The following ZNF462 variants were observed in gnomAD, a reference collection of about 807,000 sequenced individuals.
The protein encoded by ZNF462 is zinc finger PBX1-interacting protein.
In ZNF462, 10 loss-of-function variants were observed where a neutral mutation model predicts 201.9. The ratio of observed to expected loss-of-function variants is 0.05; its 90% CI spans 0.03 to 0.08. The LOEUF (loss-of-function observed/expected upper bound fraction) is 0.08, where lower values mean the gene tolerates loss of function less well. Ranked by LOEUF, ZNF462 falls within the 10% of genes least tolerant of loss-of-function variation. The pLI is 1.00. For synonymous variants in ZNF462, 1,227 were observed against 1,193.3 expected, an observed-to-expected ratio of 1.03 and a Z score of -0.58; for missense variants, 2,523 against 3,168.3, an observed-to-expected ratio of 0.80 and a Z score of 4.89.
chr9:106,918,325 A>G (rs1242649186), intron 1 of ZNF462, among the ~76,000 whole-genome samples: 1 of 152,232 alleles, frequency 6.6e-6, no homozygotes, highest in East Asian at 1.9e-4. Context: ...AAAATTAATT[A>G]CATATATCTG....
chr9:106,929,547 A>G lies in ZNF462; in HGVS notation c.5635A>G (p.Ile1879Val), dbSNP rs1830341866. 1 of 1,614,174 alleles carries G rather than the reference A, an allele frequency of 6.2e-7. No individual in the cohort carries two copies. Among genetic ancestry groups the G allele is most frequent in the Non-Finnish European group, 8.5e-7 (1 of 1,180,032 alleles). Residue 1879 changes from isoleucine to valine, a missense_variant, in exon 3 of 13, where the codon ATC becomes GTC. Physicochemically the swap from Ile to Val is conservative, Grantham distance 29. Transcript: ENST00000277225. This position sits in a 1 kb window ranked among gnomAD's most constrained non-coding sequence, Gnocchi z 8.7. ...CAGTCGGGACCTAAAGAGGGACTTC[A>G]TCATTCTGGGCAACGGCCCCCGCTT... ...HHSRDLKRDF[I>V]ILGNGPRLQN...
intron 1 of ZNF462, among the ~76,000 whole-genome samples, chr9:106,896,782 T>C (rs149378389): frequency 1.1e-3 from 174 of 152,328 alleles, no homozygotes; most frequent in Admixed American, 2.4e-3. Flanking sequence ...GTCTGAAGTT[T>C]ATGAAGACAG....
intron 10 of ZNF462, among the ~76,000 whole-genome samples, chr9:106,985,348 G>T (rs1006177579): frequency 6.6e-6 from 1 of 152,116 alleles, no homozygotes; most frequent in African/African-American, 2.4e-5. Context: ...TTGGGAGGAA[G>T]GAGACTCGAG....
chr9:107,008,434 T>C lies in ZNF462; in HGVS notation c.7190-1111T>C, dbSNP rs1829713739. On this transcript the variant is annotated intron_variant, in intron 11 of 12. Transcript: ENST00000277225. This position sits in a 1 kb window ranked among gnomAD's most constrained non-coding sequence, Gnocchi z 4.8. ...TGTTAACATCGTCCTGAGAATCTTA[T>C]TAGATGGGGCATTTCAACCAGGAGG... Among the ~76,000 whole-genome samples the C allele has an allele frequency of 6.6e-6, 1 of 152,132 alleles. No individual in the cohort carries two copies. The highest frequency in any genetic ancestry group is 6.5e-5 in the Admixed American group (1 of 15,278).
intron 7 of ZNF462, among the ~76,000 whole-genome samples, chr9:106,945,119 C>T (rs1443662994): frequency 2.6e-5 from 4 of 152,004 alleles, no homozygotes; most frequent in African/African-American, 9.7e-5. Flanking sequence ...CATTCTGAGC[C>T]TTTATATTTA....
At position 107,003,971 on chromosome 9, in the gene ZNF462, A is replaced by C. The variant is rs1829375858; in HGVS notation, c.7189+545A>C. Among the ~76,000 whole-genome samples, 1 of 152,132 alleles carries C rather than the reference A, an allele frequency of 6.6e-6. No homozygotes were observed. The highest frequency in any genetic ancestry group is 1.5e-5 in the Non-Finnish European group (1 of 68,016). On this transcript the variant is annotated intron_variant, in intron 11 of 12. Coordinates refer to ENST00000277225, the MANE Select transcript of ZNF462 (RefSeq NM_021224.6). The surrounding 1 kb of genome is among the most constrained non-coding windows in gnomAD (Gnocchi z 4.4). ...GAAAGAGAGACCACCTCTTTCATTC[A>C]ACTATGTATTTACAGAATACACTGG...
At position 107,009,258 on chromosome 9, in the gene ZNF462, C is replaced by T. The variant is rs1045115476; in HGVS notation, c.7190-287C>T. The T allele has an allele frequency of 4.9e-5, 19 of 386,864 alleles. No individual in the cohort carries two copies. Among genetic ancestry groups the T allele is most frequent in the East Asian group, 4.2e-5 (1 of 23,566 alleles). The allele number at this position is 386,864 out of a possible 1,614,324, so 24.0% of individuals were successfully genotyped here. The stretch of plus-strand genomic sequence containing the variant: ...TAATGCTCAGATTCCTTTGGAATCT[C>T]GGGCAAGCGGCTCTTCAGTCAAGAA... On this transcript the variant is annotated intron_variant, in intron 11 of 12. Transcript: ENST00000277225. The surrounding 1 kb of genome is among the most constrained non-coding windows in gnomAD (Gnocchi z 6.1).
intron 1 of ZNF462, among the ~76,000 whole-genome samples, chr9:106,921,658 T>C (rs942217827): frequency 1.3e-5 from 2 of 152,204 alleles, no homozygotes; most frequent in Admixed American, 6.5e-5. Flanking sequence ...GAGTGCACAC[T>C]GGATGATCTG....
At position 106,923,492 on chromosome 9, in the gene ZNF462, G is replaced by A. The variant is rs754588622; in HGVS notation, c.109G>A (p.Ala37Thr). The A allele has an allele frequency of 2.2e-5, 36 of 1,614,078 alleles. No individual in the cohort carries two copies. The highest frequency in any genetic ancestry group is 3.0e-5 in the Non-Finnish European group (35 of 1,180,042). The change falls in exon 2 of 13, where the codon GCT (alanine) becomes ACT (threonine). Residue 37 changes from alanine (A) to threonine (T), a missense_variant. Ala to Thr is a moderately conservative substitution (Grantham distance 58). Coordinates refer to ENST00000277225, the MANE Select transcript of ZNF462 (RefSeq NM_021224.6). This position sits in a 1 kb window ranked among gnomAD's most constrained non-coding sequence, Gnocchi z 5.6. Reference protein sequence around the residue: ...HTAFLQPTDVAEDNVNELRCG... With the variant: ...HTAFLQPTDVTEDNVNELRCG... ...GGCATTTCTGCAGCCAACTGATGTTGCTGAGGACAATGTGAATGAGCTACG... is the reference window on the plus strand; with the variant it reads ...GGCATTTCTGCAGCCAACTGATGTTACTGAGGACAATGTGAATGAGCTACG...
At chr9:106,951,733 C>T (rs1831357420) in intron 7 of ZNF462, among the ~76,000 whole-genome samples, 1 of 152,094 alleles carries the variant, frequency 6.6e-6, no homozygotes, top group African/African-American at 2.4e-5. Context: ...GTACCATAAG[C>T]CTGTCCAAGT....
At position 106,935,354 on chromosome 9, in the gene ZNF462, A is replaced by T; in HGVS notation, c.6117-149A>T. 1.6e-6 allele frequency: 1 copy of T among 618,500 alleles called. No individual in the cohort carries two copies. The highest frequency in any genetic ancestry group is 2.8e-6 in the Non-Finnish European group (1 of 357,178). 38.3% of individuals were successfully genotyped at this position (618,500 alleles called of 1,614,324 possible). A position where few individuals can be genotyped will look rare whatever the true frequency, so the allele number is the denominator to read the frequency against. ...TAGGTACAACTCTTGAAAATTAATTAATTAAATTGATAAATGCCATTATTG... is the reference window on the plus strand; with the variant it reads ...TAGGTACAACTCTTGAAAATTAATTTATTAAATTGATAAATGCCATTATTG... On this transcript the variant is annotated intron_variant, in intron 5 of 12. Coordinates refer to ENST00000277225, the MANE Select transcript of ZNF462 (RefSeq NM_021224.6). This position sits in a 1 kb window ranked among gnomAD's most constrained non-coding sequence, Gnocchi z 4.1.
At chr9:106,960,833 T>G (rs1831801546) in intron 7 of ZNF462, among the ~76,000 whole-genome samples, 1 of 152,120 alleles carries the variant, frequency 6.6e-6, no homozygotes, top group African/African-American at 2.4e-5. Context: ...GCATTCAGGA[T>G]CCCCAAGTTA....
At position 106,890,304 on chromosome 9, in the gene ZNF462, A is replaced by T. The variant is rs183558992; in HGVS notation, c.-31+26949A>T. On this transcript the variant is annotated intron_variant, in intron 1 of 12. Coordinates refer to ENST00000277225, the MANE Select transcript of ZNF462 (RefSeq NM_021224.6). The surrounding 1 kb of genome is among the most constrained non-coding windows in gnomAD (Gnocchi z 4.2). ...TGTGTGTGTGGACCTCAAGAATTTC[A>T]GTCAACCCGGCAACACATGCAGTGC... is the stretch of plus-strand genomic sequence containing the variant. Among the ~76,000 whole-genome samples, 2 of 152,346 alleles carry T rather than the reference A, an allele frequency of 1.3e-5. No homozygotes were observed. Among genetic ancestry groups the T allele is most frequent in the Admixed American group, 1.3e-4 (2 of 15,306 alleles).
rs996617335 is a variant in ZNF462, at chr9:106,885,590, T to G, written c.-31+22235T>G. On this transcript the variant is annotated intron_variant, in intron 1 of 12. Transcript: ENST00000277225. The surrounding 1 kb of genome is among the most constrained non-coding windows in gnomAD (Gnocchi z 4.1). The stretch of plus-strand genomic sequence containing the variant: ...AGAGGTTGAAGTGCCTCCAAGACTT[T>G]AAGTAGCAGCTGAACATGTGATCTT... 6.6e-6 allele frequency among the ~76,000 whole-genome samples: 1 copy of G among 152,184 alleles called. No homozygotes were observed. Among genetic ancestry groups the G allele is most frequent in the Non-Finnish European group, 1.5e-5 (1 of 68,028 alleles).
rs199963299 is a variant in ZNF462 at position 106,923,370 on chromosome 9, G to T, written c.-14G>T. The T allele has an allele frequency of 6.2e-7, 1 of 1,613,748 alleles. No individual in the cohort carries two copies. Among genetic ancestry groups the T allele is most frequent in the East Asian group, 2.2e-5 (1 of 44,872 alleles). On this transcript the variant is annotated 5_prime_UTR_variant, in exon 2 of 13. Coordinates refer to ENST00000277225, the MANE Select transcript of ZNF462 (RefSeq NM_021224.6). This position sits in a 1 kb window ranked among gnomAD's most constrained non-coding sequence, Gnocchi z 5.6. ...CTGCCACAGGTTCCTAATGTGAGAG[G>T]CTAGACCCAGATCATGGAGGTGCTT...
At position 106,933,189 on chromosome 9, in the gene ZNF462, GA is replaced by G. The variant is rs1830493198; in HGVS notation, c.6116+641del. On this transcript the variant is annotated intron_variant, in intron 5 of 12. Transcript: ENST00000277225. The surrounding 1 kb of genome is among the most constrained non-coding windows in gnomAD (Gnocchi z 4.3). Reference sequence around the variant, plus strand: ...TTCTCTTTCAGCCGTGTAAAAGAGAGATAAATATTCAATAATGCGTTTGGAC... The same window carrying G: ...TTCTCTTTCAGCCGTGTAAAAGAGAGTAAATATTCAATAATGCGTTTGGAC... The G allele has an allele frequency of 6.4e-6, 1 of 155,164 alleles. No homozygotes were observed. Among genetic ancestry groups the G allele is most frequent in the Non-Finnish European group, 1.4e-5 (1 of 69,884 alleles). 9.6% of individuals were successfully genotyped at this position (155,164 alleles called of 1,614,324 possible).
intron 1 of ZNF462, among the ~76,000 whole-genome samples, chr9:106,914,599 C>G (rs1024596370): frequency 6.6e-6 from 1 of 152,176 alleles, no homozygotes; most frequent in African/African-American, 2.4e-5. Context: ...TTGTTCCTTC[C>G]TTCATTCAGC....
chr9:107,007,428 A>C (rs554182132), intron 11 of ZNF462, among the ~76,000 whole-genome samples: 2 of 152,142 alleles, frequency 1.3e-5, no homozygotes, highest in Admixed American at 1.3e-4. Flanking sequence ...TCACTGGAAA[A>C]AGTATAGTGT....
chr9:106,989,174 T>C (rs1828078325), intron 10 of ZNF462, among the ~76,000 whole-genome samples: 1 of 152,146 alleles, frequency 6.6e-6, no homozygotes, highest in Non-Finnish European at 1.5e-5. Context: ...GGCTGTGGGT[T>C]TGTCATAGGT....
Sources: allele counts gnomAD v4.1 joint callset (sites outside exome capture counted in the v4.1 genomes callset), GRCh38; gene constraint gnomAD v4.1.1; non-coding constraint Gnocchi (gnomAD v3.1); transcripts MANE v1.5; gene names NCBI Gene and HGNC (gene_info 2026-07-23, HGNC 2026-07-21).